Variants in MOBP observed in about 807,000 individuals in gnomAD.
MOBP encodes the protein myelin-associated oligodendrocyte basic protein.
A neutral mutation model predicts 15.0 loss-of-function variants in MOBP; 5 were observed. The ratio of observed to expected loss-of-function variants is 0.33; its 90% CI spans 0.17 to 0.70. The LOEUF (loss-of-function observed/expected upper bound fraction) is 0.70. MOBP is among the 30% of genes least tolerant of loss of function. The pLI is 0.67. For missense variants in MOBP, 188 were observed against 257.8 expected, an observed-to-expected ratio of 0.73 and a Z score of 1.85; for synonymous variants, 88 against 99.0, an observed-to-expected ratio of 0.89 and a Z score of 0.66.
At chr3:39,497,873 C>G (rs529559242) in intron 2 of MOBP, among the ~76,000 whole-genome samples, 1 of 152,080 alleles carries the variant, frequency 6.6e-6, no homozygotes, top group East Asian at 1.9e-4. Flanking sequence ...CAGAAAACAT[C>G]GATGGACAGA....
Position 39,469,043 on chromosome 3 carries a change from CATAT to C in MOBP, c.-89+1304_-89+1307del, listed in dbSNP as rs1559411966. On this transcript the variant is annotated intron_variant, in intron 1 of 3. Transcript: ENST00000684792. ...ATGTGTGTATATATATACATATATA[CATAT>C]GTGTGTGTATATACATATATACATA... Among the ~76,000 whole-genome samples, 2 of 46,490 alleles carry C rather than the reference CATAT, an allele frequency of 4.3e-5. 1 individual carries two copies. The highest frequency in any genetic ancestry group is 3.1e-4 in the African/African-American group (2 of 6,524). 30.5% of individuals were successfully genotyped at this position (46,490 alleles called of 152,430 possible). A position where few individuals can be genotyped will look rare whatever the true frequency, so the allele number is the denominator to read the frequency against.
At chr3:39,510,360 A>G (rs1000578049) in intron 4 of MOBP, among the ~76,000 whole-genome samples, 5 of 152,106 alleles carry the variant, frequency 3.3e-5, no homozygotes, top group Admixed American at 2.0e-4. Flanking sequence ...AGATTCTACA[A>G]TATATTATGG....
chr3:39,496,358 C>G (rs1206227641), intron 2 of MOBP, among the ~76,000 whole-genome samples: 1 of 151,702 alleles, frequency 6.6e-6, no homozygotes, highest in Non-Finnish European at 1.5e-5. Context: ...GCCACCACAC[C>G]CAGCTAATTT....
At chr3:39,517,725 T>C (rs889046421), downstream of MOBP, 1 of 152,228 alleles carries the variant, frequency 6.6e-6, no homozygotes, top group Non-Finnish European at 1.5e-5. Context: ...GGCAACAGTT[T>C]ACTACCATCA....
downstream of MOBP, chr3:39,526,379 A>AT (rs2125678417): frequency 6.6e-6 from 1 of 152,368 alleles, no homozygotes; most frequent in Non-Finnish European, 1.5e-5. Context: ...CTATCTGACA[A>AT]TTACTTGAAA....
At chr3:39,488,436 A>T (rs1210747553) in intron 2 of MOBP, among the ~76,000 whole-genome samples, 1 of 152,086 alleles carries the variant, frequency 6.6e-6, no homozygotes, top group Non-Finnish European at 1.5e-5. Context: ...GACATCCTGG[A>T]TGTCTGTGCT....
downstream of MOBP, among the ~76,000 whole-genome samples, chr3:39,505,524 A>AT (rs1204950512): frequency 6.6e-6 from 1 of 152,152 alleles, no homozygotes; most frequent in Non-Finnish European, 1.5e-5. Flanking sequence ...TCTGTGGCAT[A>AT]TACTCTTTCC....
intron 4 of MOBP, among the ~76,000 whole-genome samples, chr3:39,512,207 A>G (rs1364890038): frequency 2.0e-5 from 3 of 152,218 alleles, no homozygotes; most frequent in Admixed American, 6.5e-5. Context: ...TAAAATGCCA[A>G]TTAGAAAATT....
downstream of MOBP, among the ~76,000 whole-genome samples, chr3:39,503,737 A>T (rs1444371458): frequency 6.6e-6 from 1 of 151,930 alleles, no homozygotes; most frequent in African/African-American, 2.4e-5. Context: ...ACTATTTGGA[A>T]CTGAATCTGT....
chr3:39,479,124 G>A (rs1014800022), intron 1 of MOBP, among the ~76,000 whole-genome samples: 9 of 152,002 alleles, frequency 5.9e-5, no homozygotes, highest in Non-Finnish European at 5.9e-5. Context: ...CACCGCGCAC[G>A]GCCCTGATCA....
Position 39,469,072 on chromosome 3 carries a change from A to G in MOBP, c.-89+1332A>G, listed in dbSNP as rs897027049. On this transcript the variant is annotated intron_variant, in intron 1 of 3. Coordinates refer to ENST00000684792, the MANE Select transcript of MOBP (RefSeq NM_001393704.1). The stretch of plus-strand genomic sequence containing the variant: ...TGTGTGTGTATATACATATATACAT[A>G]TGTGTGTGTGTATATACATATATAC... Among the ~76,000 whole-genome samples, 127 of 29,764 alleles carry G rather than the reference A, an allele frequency of 4.3e-3. 22 individuals carry two copies. In the African/African-American group the frequency reaches 0.049, roughly 11 times the overall value. 19.5% of individuals were successfully genotyped at this position (29,764 alleles called of 152,430 possible). A position where few individuals can be genotyped will look rare whatever the true frequency, so the allele number is the denominator to read the frequency against.
At position 39,501,520 on chromosome 3, in the gene MOBP, T is replaced by C. The variant is rs570867156; in HGVS notation, c.-4-546T>C. ...ACCATCGATTAGTTTTGCCTGTTCTTGAACCTCCTGTACACACAGCTTGTT... is the reference window on the plus strand; with the variant it reads ...ACCATCGATTAGTTTTGCCTGTTCTCGAACCTCCTGTACACACAGCTTGTT... On this transcript the variant is annotated intron_variant, in intron 2 of 3. Transcript: ENST00000684792. 2.2e-4 allele frequency among the ~76,000 whole-genome samples: 34 copies of C among 152,344 alleles called. No individual in the cohort carries two copies. In the Middle Eastern group the frequency reaches 0.01, roughly 46 times the overall value.
At chr3:39,509,758 T>A (rs1346626858) in intron 4 of MOBP, among the ~76,000 whole-genome samples, 2 of 152,048 alleles carry the variant, frequency 1.3e-5, no homozygotes, top group Non-Finnish European at 2.9e-5. Context: ...AAATAAAAAA[T>A]TATTATTTTT....
intron 2 of MOBP, among the ~76,000 whole-genome samples, chr3:39,483,187 T>C (rs2042652753): frequency 6.6e-6 from 1 of 152,232 alleles, no homozygotes. Context: ...GCTAACATTA[T>C]GTTTGGCTCA....
chr3:39,511,139 G>C (rs1457570643), intron 4 of MOBP, among the ~76,000 whole-genome samples: 1 of 152,226 alleles, frequency 6.6e-6, no homozygotes, highest in Non-Finnish European at 1.5e-5. Context: ...ATTGCCTAAT[G>C]TCATCTTAAT....
At chr3:39,499,838 G>T in intron 2 of MOBP, 1 of 347,948 alleles carries the variant, frequency 2.9e-6, no homozygotes, top group East Asian at 7.8e-5. Context: ...GCTCTCGGGG[G>T]TAATGCAATT....
chr3:39,472,224 A>G (rs2042481290), intron 1 of MOBP, among the ~76,000 whole-genome samples: 1 of 152,210 alleles, frequency 6.6e-6, no homozygotes. Flanking sequence ...AATATAAAAT[A>G]TCCATTTTTT....
chr3:39,497,967 C>T (rs2042910250), intron 2 of MOBP, among the ~76,000 whole-genome samples: 1 of 152,202 alleles, frequency 6.6e-6, no homozygotes, highest in Admixed American at 6.5e-5. Flanking sequence ...TATTTGAACA[C>T]TGTTGGCTGT....
downstream of MOBP, among the ~76,000 whole-genome samples, chr3:39,516,616 C>T (rs1234351775): frequency 6.6e-6 from 1 of 152,132 alleles, no homozygotes; most frequent in African/African-American, 2.4e-5. Context: ...ATCATTTCAA[C>T]TCACATCTTT....
Sources: gnomAD v4.1 joint callset for allele counts (sites outside exome capture counted in the v4.1 genomes callset) on GRCh38, gnomAD v4.1.1 for gene constraint, MANE v1.5 for transcripts, NCBI Gene and HGNC (gene_info 2026-07-23, HGNC 2026-07-21) for gene names.